The following TRAPPC9 variants were observed in gnomAD, a reference collection of about 807,000 sequenced individuals.
TRAPPC9 encodes the protein IKK2 binding protein.
TRAPPC9 carries 83 observed loss-of-function variants against 124.0 expected under a neutral mutation model. That is an observed-to-expected ratio of 0.67 (90% CI 0.56 to 0.80). The LOEUF (loss-of-function observed/expected upper bound fraction) is 0.80, where lower values mean the gene tolerates loss of function less well. Among genes scored for constraint, TRAPPC9 ranks in the 30% least tolerant of loss-of-function variants. The probability of loss-of-function intolerance (pLI) is 0.00; values close to 1 mark genes in which losing one functional copy is unlikely to be tolerated. For missense variants in TRAPPC9, 1,302 were observed against 1,508.3 expected (o/e 0.86, Z 2.27); for synonymous variants, 638 against 617.5 (o/e 1.03, Z -0.49).
At chr8:140,337,169 A>C (rs372564465) in intron 9 of TRAPPC9, among the ~76,000 whole-genome samples, 3 of 152,268 alleles carry the variant, frequency 2.0e-5, no homozygotes, top group Middle Eastern at 3.4e-3. Context: ...GCAGCCGCGG[A>C]AGCCCACCAT....
chr8:140,222,956 G>A (rs1023864853), intron 16 of TRAPPC9, among the ~76,000 whole-genome samples: 2 of 152,234 alleles, frequency 1.3e-5, no homozygotes, highest in African/African-American at 4.8e-5. Flanking sequence ...AGGTTGGTAA[G>A]ATGTGGACTC....
chr8:139,996,176 A>AAAAAAAAAAAAAAAAAG (rs1563675087), intron 18 of TRAPPC9, among the ~76,000 whole-genome samples: 2 of 144,816 alleles, frequency 1.4e-5, no homozygotes, highest in Non-Finnish European at 3.1e-5. Context: ...AAAAAAAAAA[A>AAAAAAAAAAAAAAAAAG]AAAAAAGAAA....
At chr8:139,890,000 C>T (rs1197814624) in intron 20 of TRAPPC9, among the ~76,000 whole-genome samples, 9 of 152,242 alleles carry the variant, frequency 5.9e-5, no homozygotes, top group Non-Finnish European at 1.3e-4. Flanking sequence ...AGCTGGGGAT[C>T]GGGGTCCTGC....
chr8:140,146,003 T>A (rs2061456572), intron 17 of TRAPPC9, among the ~76,000 whole-genome samples: 1 of 152,244 alleles, frequency 6.6e-6, no homozygotes, highest in Non-Finnish European at 1.5e-5. Context: ...CCTGTTTTCA[T>A]ACTTTCACCT....
rs575717463 is a variant in TRAPPC9, at chr8:139,769,763, T to C, written c.3056-37561A>G. ...CAGAGAAAATGAGTGGAAGAACTAA[T>C]ATTCACTAAATTTTAGGTAGAGCAT... On this transcript the variant is annotated intron_variant, in intron 21 of 22. Coordinates refer to ENST00000438773, the MANE Select transcript of TRAPPC9 (RefSeq NM_001160372.4). 2.6e-5 allele frequency among the ~76,000 whole-genome samples: 4 copies of C among 152,376 alleles called. No individual in the cohort carries two copies. The South Asian group carries it at 8.3e-4, about 32-fold the overall frequency.
In TRAPPC9 at chr8:140,370,854, G is replaced by A; in HGVS notation, c.1351+110C>T. ...TCCAGGGCAGGGATCTAGTCATTCT[G>A]GAGCCACCAGCACCAACCACGATGT... is the stretch of plus-strand genomic sequence containing the variant. On this transcript the variant is annotated intron_variant, in intron 8 of 22. Coordinates refer to ENST00000438773, the MANE Select transcript of TRAPPC9 (RefSeq NM_001160372.4). The A allele has an allele frequency of 2.4e-6, 3 of 1,236,676 alleles. No homozygotes were observed. The Admixed American group carries it at 5.3e-5, about 22-fold the overall frequency. 76.6% of individuals were successfully genotyped at this position (1,236,676 alleles called of 1,614,324 possible). A position where few individuals can be genotyped will look rare whatever the true frequency, so the allele number is the denominator to read the frequency against.
intron 21 of TRAPPC9, among the ~76,000 whole-genome samples, chr8:139,749,989 G>T (rs1167111366): frequency 1.3e-5 from 2 of 152,168 alleles, no homozygotes; most frequent in African/African-American, 4.8e-5. Flanking sequence ...ACGACCAGGA[G>T]CTCACAGCCT....
At chr8:140,079,987 G>GAGA (rs1843724508) in intron 17 of TRAPPC9, among the ~76,000 whole-genome samples, 1 of 151,916 alleles carries the variant, frequency 6.6e-6, no homozygotes, top group African/African-American at 2.4e-5. Flanking sequence ...GGAGGAGGAG[G>GAGA]GGAAGAAGAA....
chr8:140,313,441 C>T (rs1406539526), intron 9 of TRAPPC9, among the ~76,000 whole-genome samples: 1 of 152,240 alleles, frequency 6.6e-6, no homozygotes, highest in African/African-American at 2.4e-5. Context: ...CAGAAAATAA[C>T]GTACACACTG....
chr8:139,999,531 A>G (rs2131784426), intron 18 of TRAPPC9, among the ~76,000 whole-genome samples: 1 of 152,336 alleles, frequency 6.6e-6, no homozygotes, highest in South Asian at 2.1e-4. Flanking sequence ...TGAAATCAAT[A>G]AAGACATAAA....
At chr8:139,789,254 C>G (rs968214411) in intron 21 of TRAPPC9, among the ~76,000 whole-genome samples, 18 of 152,184 alleles carry the variant, frequency 1.2e-4, no homozygotes, top group Non-Finnish European at 4.4e-5. Context: ...GGGCCCGCAC[C>G]AAGCTCTGGT....
intron 21 of TRAPPC9, among the ~76,000 whole-genome samples, chr8:139,879,608 C>T (rs1829555726): frequency 6.6e-6 from 1 of 152,204 alleles, no homozygotes; most frequent in Non-Finnish European, 1.5e-5. Flanking sequence ...CCTCTGCCTG[C>T]AGGATCAGGC....
intron 15 of TRAPPC9, among the ~76,000 whole-genome samples, chr8:140,272,317 T>C (rs1446855048): frequency 8.2e-5 from 12 of 146,022 alleles, no homozygotes; most frequent in Admixed American, 7.4e-4. Flanking sequence ...TTGTGGTGGT[T>C]ATAGTGGTGA....
Position 139,793,357 on chromosome 8 carries a change from T to C in TRAPPC9, c.3056-61155A>G, listed in dbSNP as rs73362181. ...GCCCTGCACTACTTGATGCCAGTCT[T>C]TGCAGGAGACTGCAGGTCTGTCACT... On this transcript the variant is annotated intron_variant, in intron 21 of 22. Coordinates refer to ENST00000438773, the MANE Select transcript of TRAPPC9 (RefSeq NM_001160372.4). Among the ~76,000 whole-genome samples, 921 of 152,302 alleles carry C rather than the reference T, an allele frequency of 6.0e-3. 8 individuals carry two copies. Among genetic ancestry groups the C allele is most frequent in the African/African-American group, 0.021 (871 of 41,570 alleles).
At chr8:140,025,498 C>T (rs1458712384) in intron 17 of TRAPPC9, among the ~76,000 whole-genome samples, 2 of 142,022 alleles carry the variant, frequency 1.4e-5, no homozygotes, top group Non-Finnish European at 3.0e-5. Context: ...AACATAGGAA[C>T]AAATCTTCAT....
chr8:139,946,057 C>T (rs894338731), intron 19 of TRAPPC9, among the ~76,000 whole-genome samples: 3 of 152,212 alleles, frequency 2.0e-5, no homozygotes, highest in African/African-American at 7.2e-5. Context: ...GAAGACTTCT[C>T]AGAATCCTTA....
intron 9 of TRAPPC9, among the ~76,000 whole-genome samples, chr8:140,349,157 A>C: frequency 1.2e-5 from 1 of 80,290 alleles, no homozygotes; most frequent in African/African-American, 5.0e-5. Context: ...GCGGGGGCCG[A>C]TGGGGGCGCA....
chr8:140,044,909 G>T (rs1841493547), intron 17 of TRAPPC9, among the ~76,000 whole-genome samples: 1 of 152,206 alleles, frequency 6.6e-6, no homozygotes, highest in African/African-American at 2.4e-5. Flanking sequence ...CTTACACGCA[G>T]TAATATAGTC....
At chr8:140,362,256 C>T (rs1014998747) in intron 8 of TRAPPC9, among the ~76,000 whole-genome samples, 7 of 152,136 alleles carry the variant, frequency 4.6e-5, no homozygotes, top group Non-Finnish European at 8.8e-5. Flanking sequence ...TGGATCAAGA[C>T]GTAAGGCTGG....
Sources: gnomAD v4.1 joint callset for allele counts (sites outside exome capture counted in the v4.1 genomes callset) on GRCh38, gnomAD v4.1.1 for gene constraint, MANE v1.5 for transcripts, NCBI Gene and HGNC (gene_info 2026-07-23, HGNC 2026-07-21) for gene names.